Variants in KCNH1 observed in about 807,000 individuals in gnomAD.
The protein encoded by KCNH1 is potassium voltage-gated channel subfamily H member 1.
A neutral mutation model predicts 69.2 loss-of-function variants in KCNH1; 27 were observed. That is an observed-to-expected ratio of 0.39 (90% CI 0.29 to 0.54). The LOEUF is 0.54. Ranked by LOEUF, KCNH1 falls within the 20% of genes least tolerant of loss-of-function variation. The pLI is 0.68. For missense variants in KCNH1, 798 were observed against 1,261.6 expected (o/e 0.63, Z 5.57); for synonymous variants, 456 against 487.7 (o/e 0.93, Z 0.86).
intron 7 of KCNH1, chr1:210,860,327 A>G: frequency 9.3e-6 from 13 of 1,395,234 alleles, no homozygotes; most frequent in Non-Finnish European, 1.3e-5. Flanking sequence ...ATGTCCTCAT[A>G]GAATTCTGAG....
intron 7 of KCNH1, among the ~76,000 whole-genome samples, chr1:210,853,312 C>A (rs1355834262): frequency 2.0e-5 from 3 of 152,126 alleles, no homozygotes; most frequent in Non-Finnish European, 2.9e-5. Flanking sequence ...GCATAGCAGG[C>A]ACAAAATAAC....
chr1:210,782,641 G>C (rs902229976), intron 9 of KCNH1, among the ~76,000 whole-genome samples: 3 of 152,098 alleles, frequency 2.0e-5, no homozygotes, highest in Non-Finnish European at 2.9e-5. Context: ...CAGGAGAATT[G>C]CTTGGACCTA....
chr1:210,821,396 A>G (rs1307086629), intron 7 of KCNH1, among the ~76,000 whole-genome samples: 1 of 152,324 alleles, frequency 6.6e-6, no homozygotes, highest in South Asian at 2.1e-4. Context: ...GACCATTCCC[A>G]CCCCATCCCT....
chr1:210,905,817 C>T (rs189763749), intron 7 of KCNH1, among the ~76,000 whole-genome samples: 3 of 152,288 alleles, frequency 2.0e-5, no homozygotes, highest in Admixed American at 2.0e-4. Flanking sequence ...ATCCACTTTT[C>T]TGTGCCTCAC....
intron 6 of KCNH1, among the ~76,000 whole-genome samples, chr1:210,924,099 A>C (rs183240998): frequency 1.2e-4 from 18 of 152,324 alleles, no homozygotes; most frequent in Non-Finnish European, 2.1e-4. Flanking sequence ...GGAATGCCAA[A>C]AATTGCCAGC....
At position 211,019,285 on chromosome 1, in the gene KCNH1, A is replaced by G. The variant is rs377073369; in HGVS notation, c.559-29T>C. The stretch of plus-strand genomic sequence containing the variant: ...TACAGAAAAACATGACCAAGAGAGA[A>G]CTAAGTTAGGATTTAATTGCAAGTA... On this transcript the variant is annotated intron_variant, in intron 5 of 10. Coordinates refer to ENST00000271751, the MANE Select transcript of KCNH1 (RefSeq NM_172362.3). 6.3e-6 allele frequency: 9 copies of G among 1,439,258 alleles called. No homozygotes were observed. The South Asian group carries it at 6.3e-5, about 10-fold the overall frequency. The allele number at this position is 1,439,258 out of a possible 1,614,324, so 89.2% of individuals were successfully genotyped here. A position where few individuals can be genotyped will look rare whatever the true frequency, so the allele number is the denominator to read the frequency against.
chr1:210,733,951 A>T (rs1359921209), intron 10 of KCNH1, among the ~76,000 whole-genome samples: 2 of 5,126 alleles, frequency 3.9e-4, no homozygotes, highest in African/African-American at 1.1e-3. Context: ...TGTCTGTCTC[A>T]CACACACACA....
At chr1:210,859,011 A>C in intron 7 of KCNH1, 2 of 463,732 alleles carry the variant, frequency 4.3e-6, no homozygotes, top group Admixed American at 3.4e-5. Flanking sequence ...GCCAGGTTGC[A>C]TGATCAGGTC....
Position 211,113,980 on chromosome 1 carries a change from A to T in KCNH1, c.80-6603T>A, listed in dbSNP as rs1340112842. 7.9e-3 allele frequency among the ~76,000 whole-genome samples: 1,142 copies of T among 145,134 alleles called. 12 individuals are homozygous for T. The highest frequency in any genetic ancestry group is 0.026 in the African/African-American group (1,017 of 39,698). Reference sequence around the variant, plus strand: ...CTCTCTCTCTCTCTCTCTCTCACACACACACACACACACACACACACACAT... The same window carrying T: ...CTCTCTCTCTCTCTCTCTCTCACACTCACACACACACACACACACACACAT... On this transcript the variant is annotated intron_variant, in intron 1 of 10. Coordinates refer to ENST00000271751, the MANE Select transcript of KCNH1 (RefSeq NM_172362.3).
rs188327062 is a variant in KCNH1, at chr1:210,866,948, C to T, written c.1462+52692G>A. Among the ~76,000 whole-genome samples, 294 of 152,142 alleles carry T rather than the reference C, an allele frequency of 1.9e-3. 1 individual carries two copies. The highest frequency in any genetic ancestry group is 6.5e-3 in the African/African-American group (269 of 41,534). On this transcript the variant is annotated intron_variant, in intron 7 of 10. Transcript: ENST00000271751. ...TTCAGTAATAAAAAGGAATGAAATA[C>T]TGATAAATGCTACAAAATATTAGAA...
At chr1:211,109,432 T>C (rs1691419112) in intron 1 of KCNH1, among the ~76,000 whole-genome samples, 1 of 152,232 alleles carries the variant, frequency 6.6e-6, no homozygotes, top group Non-Finnish European at 1.5e-5. Flanking sequence ...CTGAACTGAA[T>C]AGCTTAGACT....
At chr1:210,764,832 A>C (rs1683591932) in intron 10 of KCNH1, among the ~76,000 whole-genome samples, 1 of 152,220 alleles carries the variant, frequency 6.6e-6, no homozygotes, top group African/African-American at 2.4e-5. Context: ...TAGAATTACC[A>C]TTCGACCTAG....
chr1:211,042,472 A>G (rs983176066), intron 5 of KCNH1, among the ~76,000 whole-genome samples: 12 of 152,214 alleles, frequency 7.9e-5, no homozygotes, highest in Non-Finnish European at 8.8e-5. Flanking sequence ...TTATAAAACA[A>G]TTAGTACTAG....
At chr1:211,100,897 C>T (rs1691245489) in intron 3 of KCNH1, among the ~76,000 whole-genome samples, 2 of 152,220 alleles carry the variant, frequency 1.3e-5, no homozygotes, top group African/African-American at 4.8e-5. Context: ...TAGAAATACA[C>T]ATTTCCATTC....
At position 211,070,436 on chromosome 1, in the gene KCNH1, C is replaced by A. The variant is rs1270932606; in HGVS notation, c.558+12344G>T. On this transcript the variant is annotated intron_variant, in intron 5 of 10. Transcript: ENST00000271751. ...CCACCTTTAAAAAAAAAAAAACACACACACACACACACACACACACACAAA... is the reference window on the plus strand; with the variant it reads ...CCACCTTTAAAAAAAAAAAAACACAAACACACACACACACACACACACAAA... Among the ~76,000 whole-genome samples the A allele has an allele frequency of 2.7e-5, 4 of 148,172 alleles. No individual in the cohort carries two copies. In the South Asian group the frequency reaches 6.5e-4, roughly 24 times the overall value.
At position 210,919,184 on chromosome 1, in the gene KCNH1, A is replaced by G. The variant is rs1427960478; in HGVS notation, c.1462+456T>C. ...TTTGCTGTCATAATCATTTCACTAT[A>G]TCAAAATCTCATTTCATACTTTAAA... On this transcript the variant is annotated intron_variant, in intron 7 of 10. Transcript: ENST00000271751. The surrounding 1 kb of genome is among the most constrained non-coding windows in gnomAD (Gnocchi z 4.2). 1 of 155,598 alleles carries G rather than the reference A, an allele frequency of 6.4e-6. No homozygotes were observed. The highest frequency in any genetic ancestry group is 6.2e-5 in the Admixed American group (1 of 16,136). The allele number at this position is 155,598 out of a possible 1,614,324, so 9.6% of individuals were successfully genotyped here.
intron 7 of KCNH1, among the ~76,000 whole-genome samples, chr1:210,851,624 G>A (rs141431497): frequency 3.3e-5 from 5 of 152,190 alleles, no homozygotes; most frequent in Non-Finnish European, 7.3e-5. Context: ...ATCCTTGTGT[G>A]AGCATCATAG....
chr1:210,785,469 AC>A (rs1684080544), intron 9 of KCNH1, among the ~76,000 whole-genome samples: 1 of 150,470 alleles, frequency 6.6e-6, no homozygotes, highest in Admixed American at 6.6e-5. Flanking sequence ...ATCTTGGCTC[AC>A]CGCAACCTCC....
intron 10 of KCNH1, among the ~76,000 whole-genome samples, chr1:210,704,870 A>G (rs1681869545): frequency 6.6e-6 from 1 of 152,166 alleles, no homozygotes; most frequent in Non-Finnish European, 1.5e-5. Flanking sequence ...TCCTCCCTAC[A>G]CACACTTTGC....
Sources: gnomAD v4.1 joint callset for allele counts (sites outside exome capture counted in the v4.1 genomes callset) on GRCh38, gnomAD v4.1.1 for gene constraint, Gnocchi (gnomAD v3.1) non-coding constraint, MANE v1.5 for transcripts, NCBI Gene and HGNC (gene_info 2026-07-23, HGNC 2026-07-21) for gene names.